INPP4A: variants seen among roughly 807,000 people sequenced by gnomAD.
INPP4A encodes the protein inositol polyphosphate-4-phosphatase type I A, also known as inositol polyphosphate-4-phosphatase, type I, 107kD.
In INPP4A, 33 loss-of-function variants were observed where a neutral mutation model predicts 119.8. That is an observed-to-expected ratio of 0.28 (90% CI 0.21 to 0.37). The LOEUF is 0.37. Ranked by LOEUF, INPP4A falls within the 10% of genes least tolerant of loss-of-function variation. The probability of loss-of-function intolerance (pLI) is 1.00; values close to 1 mark genes in which losing one functional copy is unlikely to be tolerated. For synonymous variants in INPP4A, 496 were observed against 500.7 expected (o/e 0.99, Z 0.12); for missense variants, 956 against 1,289.9 (o/e 0.74, Z 3.97).
intron 1 of INPP4A, among the ~76,000 whole-genome samples, chr2:98,449,334 T>A (rs182323423): frequency 1.1e-4 from 17 of 152,326 alleles, no homozygotes; most frequent in Admixed American, 2.6e-4. Context: ...GAAACCTTCC[T>A]TTCTCTATTA....
At chr2:98,538,844 C>A in intron 8 of INPP4A, 47 bp from the exon 9 acceptor site, 1 of 1,087,278 alleles carries the variant, frequency 9.2e-7, no homozygotes, top group East Asian at 2.4e-5. Context: ...GTTCTGGAGT[C>A]ATCTGAATCT....
At chr2:98,524,066 C>A (rs1371477329) in intron 4 of INPP4A, among the ~76,000 whole-genome samples, 1 of 152,080 alleles carries the variant, frequency 6.6e-6, no homozygotes, top group Non-Finnish European at 1.5e-5. Context: ...TAGAGCTGTG[C>A]CATACTTATT....
intron 11 of INPP4A, among the ~76,000 whole-genome samples, chr2:98,545,712 T>G (rs1471875456): frequency 6.6e-6 from 1 of 152,198 alleles, no homozygotes; most frequent in African/African-American, 2.4e-5. Flanking sequence ...CATAGCTTTT[T>G]GAAGCCGGTT....
intron 11 of INPP4A, among the ~76,000 whole-genome samples, chr2:98,545,234 G>A (rs555759253): frequency 6.6e-6 from 1 of 152,194 alleles, no homozygotes; most frequent in East Asian, 1.9e-4. Context: ...TAGATGAAAC[G>A]TTTATTTCTT....
intron 1 of INPP4A, among the ~76,000 whole-genome samples, chr2:98,502,712 T>C (rs1683347852): frequency 6.6e-6 from 1 of 152,238 alleles, no homozygotes; most frequent in Non-Finnish European, 1.5e-5. Context: ...TAGGAATCTT[T>C]CTGGAACAAA....
At chr2:98,491,865 A>G (rs1011952535) in intron 1 of INPP4A, among the ~76,000 whole-genome samples, 6 of 151,884 alleles carry the variant, frequency 4.0e-5, no homozygotes, top group Admixed American at 1.3e-4. Context: ...CCACAAACTC[A>G]TAAGTTCAAA....
intron 1 of INPP4A, among the ~76,000 whole-genome samples, chr2:98,457,574 G>T (rs1696343685): frequency 6.6e-6 from 1 of 152,238 alleles, no homozygotes; most frequent in African/African-American, 2.4e-5. Flanking sequence ...AGCAGCCTGT[G>T]ACGTAGACTG....
At chr2:98,586,947 C>G (rs1240574496) in intron 24 of INPP4A, among the ~76,000 whole-genome samples, 1 of 152,210 alleles carries the variant, frequency 6.6e-6, no homozygotes, top group Non-Finnish European at 1.5e-5. Context: ...CTCCAGGAGA[C>G]AGCAGACCAG....
intron 4 of INPP4A, among the ~76,000 whole-genome samples, chr2:98,524,575 T>TA (rs1432243565): frequency 1.3e-5 from 2 of 152,184 alleles, no homozygotes; most frequent in African/African-American, 4.8e-5. Flanking sequence ...TGCTGTACCT[T>TA]ACGTCTGTCT....
At chr2:98,503,588 T>C (rs1240032564) in intron 1 of INPP4A, among the ~76,000 whole-genome samples, 2 of 152,226 alleles carry the variant, frequency 1.3e-5, no homozygotes, top group East Asian at 3.8e-4. Context: ...CTGAATGTTT[T>C]ACTCCATCAT....
At chr2:98,502,262 T>G (rs1363813805) in intron 1 of INPP4A, among the ~76,000 whole-genome samples, 1 of 152,192 alleles carries the variant, frequency 6.6e-6, no homozygotes, top group African/African-American at 2.4e-5. Flanking sequence ...CTGGTTTGCA[T>G]GTACAGAGGC....
chr2:98,504,611 C>A (rs960978486), intron 1 of INPP4A, among the ~76,000 whole-genome samples: 1 of 152,174 alleles, frequency 6.6e-6, no homozygotes, highest in African/African-American at 2.4e-5. Context: ...CATTGTCTTC[C>A]CGGCATTTCA....
chr2:98,537,924 T>G lies in INPP4A; in HGVS notation c.529T>G (p.Ser177Ala). 6.2e-7 allele frequency: 1 copy of G among 1,613,172 alleles called. No homozygotes were observed. The highest frequency in any genetic ancestry group is 8.5e-7 in the Non-Finnish European group (1 of 1,179,580). Reference sequence around the variant, plus strand: ...GATTGGCTGGCAGATGGAGGAGAAGTCAGACCAACGGCCCCCTGTGACCCG... The same window carrying G: ...GATTGGCTGGCAGATGGAGGAGAAGGCAGACCAACGGCCCCCTGTGACCCG... Reference protein sequence around the residue: ...TVIGWQMEEKSDQRPPVTRSV... With the variant: ...TVIGWQMEEKADQRPPVTRSV... The change falls in exon 8 of 25, where the codon TCA (serine) becomes GCA (alanine). Residue 177 changes from serine (S) to alanine (A), a missense_variant. Ser to Ala is a moderately conservative substitution (Grantham distance 99). This residue lies in a region of INPP4A where 652 missense variants were observed against 797.9 expected (regional missense o/e 0.82). Coordinates refer to ENST00000409851, the MANE Select transcript of INPP4A (RefSeq NM_001134225.2).
chr2:98,456,451 A>G (rs1255762383), intron 1 of INPP4A, among the ~76,000 whole-genome samples: 2 of 152,148 alleles, frequency 1.3e-5, no homozygotes, highest in African/African-American at 4.8e-5. Flanking sequence ...CTCCTGCCTC[A>G]GCCTCCCAAG....
intron 13 of INPP4A, among the ~76,000 whole-genome samples, chr2:98,550,718 AT>A (rs1693355486): frequency 6.6e-6 from 1 of 152,124 alleles, no homozygotes; most frequent in African/African-American, 2.4e-5. Context: ...CCTCTTTGAA[AT>A]TTGCCTTTTC....
chr2:98,508,394 A>G lies in INPP4A; in HGVS notation c.-165-10570A>G, dbSNP rs374595920. On this transcript the variant is annotated intron_variant, in intron 1 of 24. Transcript: ENST00000409851. ...GAGCCAGACTGGGTTCATGCTCCAC[A>G]GTCTTCCAGCTGCGTCTCCTGGAAT... is the stretch of plus-strand genomic sequence containing the variant. Among the ~76,000 whole-genome samples, 4 of 152,352 alleles carry G rather than the reference A, an allele frequency of 2.6e-5. No homozygotes were observed. The East Asian group carries it at 5.8e-4, about 22-fold the overall frequency.
At position 98,566,199 on chromosome 2, in the gene INPP4A, G is replaced by A; in HGVS notation, c.2420+30G>A. On this transcript the variant is annotated intron_variant, in intron 21 of 24. Coordinates refer to ENST00000409851, the MANE Select transcript of INPP4A (RefSeq NM_001134225.2). The surrounding 1 kb of genome is among the most constrained non-coding windows in gnomAD (Gnocchi z 4.2). ...GTGCCGGCTCCTCGGGGCTGCGGGGGTGTGGTGGCCCTGGAGATGATGCAG... is the reference window on the plus strand; with the variant it reads ...GTGCCGGCTCCTCGGGGCTGCGGGGATGTGGTGGCCCTGGAGATGATGCAG... The A allele has an allele frequency of 6.4e-7, 1 of 1,553,214 alleles. No homozygotes were observed. Among genetic ancestry groups the A allele is most frequent in the Non-Finnish European group, 8.7e-7 (1 of 1,145,768 alleles).
intron 24 of INPP4A, among the ~76,000 whole-genome samples, chr2:98,581,027 C>G (rs1699221743): frequency 6.6e-6 from 1 of 152,222 alleles, no homozygotes; most frequent in African/African-American, 2.4e-5. Context: ...GGTGGGGGCT[C>G]TGCGCTTGGT....
chr2:98,455,931 A>G (rs1696063434), intron 1 of INPP4A, among the ~76,000 whole-genome samples: 1 of 152,240 alleles, frequency 6.6e-6, no homozygotes, highest in Non-Finnish European at 1.5e-5. Flanking sequence ...TGGTCCAGCT[A>G]GAGCGTCCCG....
Sources: gnomAD v4.1 joint callset for allele counts (sites outside exome capture counted in the v4.1 genomes callset) on GRCh38, gnomAD v4.1.1 for gene constraint, gnomAD v4.1.1 regional missense constraint, Gnocchi (gnomAD v3.1) non-coding constraint, MANE v1.5 for transcripts, NCBI Gene and HGNC (gene_info 2026-07-23, HGNC 2026-07-21) for gene names.